PCDH15: variants seen among roughly 807,000 people sequenced by gnomAD.
PCDH15 encodes protocadherin related 15.
PCDH15 carries 129 observed loss-of-function variants against 178.5 expected under a neutral mutation model. The observed-to-expected ratio is 0.72, with a 90% confidence interval of 0.63 to 0.84. PCDH15 has a LOEUF of 0.84. Ranked by LOEUF, PCDH15 falls within the 40% of genes least tolerant of loss-of-function variation. PCDH15 has a pLI of 0.00. For missense variants in PCDH15, 2,230 were observed against 2,099.9 expected (o/e 1.06, Z -1.21); for synonymous variants, 800 against 732.0 (o/e 1.09, Z -1.50).
rs564166916 is a variant in PCDH15 at position 55,151,936 on chromosome 10, A to G, written c.-80+14640T>C. On this transcript the variant is annotated intron_variant, in intron 2 of 5. Transcript: ENST00000458638. ...ATGTGTTTTTTTATTAACAAGGATG[A>G]GAGGTAAATCAGGGAAGAAGTAATG... Among the ~76,000 whole-genome samples, 3 of 152,134 alleles carry G rather than the reference A, an allele frequency of 2.0e-5. No individual in the cohort carries two copies. The East Asian group carries it at 5.8e-4, about 29-fold the overall frequency.
intron 6 of PCDH15, among the ~76,000 whole-genome samples, chr10:54,341,005 T>A (rs1312671333): frequency 1.3e-5 from 2 of 152,166 alleles, no homozygotes; most frequent in African/African-American, 4.8e-5. Flanking sequence ...GGGAAGCTGC[T>A]GATCACCAGC....
At chr10:54,455,569 G>A (rs548262118) in intron 3 of PCDH15, among the ~76,000 whole-genome samples, 2 of 152,222 alleles carry the variant, frequency 1.3e-5, no homozygotes, top group South Asian at 4.1e-4. Context: ...ATGATTTAGG[G>A]TATCTGGCAG....
At chr10:53,877,916 G>T (rs1016844775) in intron 26 of PCDH15, among the ~76,000 whole-genome samples, 3 of 151,920 alleles carry the variant, frequency 2.0e-5, no homozygotes, top group Admixed American at 1.3e-4. Context: ...TAACTCTAGC[G>T]ATAGCTTAAA....
chr10:54,911,840 A>T (rs1954823990), intron 2 of PCDH15, among the ~76,000 whole-genome samples: 1 of 152,112 alleles, frequency 6.6e-6, no homozygotes, highest in Non-Finnish European at 1.5e-5. Flanking sequence ...TTCTGTCATG[A>T]TTATAAGTTT....
At position 54,178,511 on chromosome 10, in the gene PCDH15, A is replaced by T. The variant is rs543607802; in HGVS notation, c.1590+4933T>A. 5.3e-5 allele frequency among the ~76,000 whole-genome samples: 8 copies of T among 152,246 alleles called. No individual in the cohort carries two copies. The South Asian group carries it at 1.7e-3, about 32-fold the overall frequency. On this transcript the variant is annotated intron_variant, in intron 13 of 37. Transcript: ENST00000644397. ...AGAGAGATTATTGCATCAAAAAAAT[A>T]GAATAATTGGTGGAGCACAGAAATT...
chr10:54,543,913 A>C (rs1254175214), intron 2 of PCDH15, among the ~76,000 whole-genome samples: 3 of 152,150 alleles, frequency 2.0e-5, no homozygotes, highest in Non-Finnish European at 4.4e-5. Flanking sequence ...GCAATACATA[A>C]CATTTCTCAT....
intron 13 of PCDH15, among the ~76,000 whole-genome samples, chr10:54,174,950 G>C (rs925625180): frequency 2.6e-5 from 4 of 151,556 alleles, no homozygotes; most frequent in Non-Finnish European, 4.4e-5. Context: ...ATTACATGTT[G>C]GTGTATATAT....
At chr10:55,072,977 A>C (rs960160075) in intron 2 of PCDH15, among the ~76,000 whole-genome samples, 3 of 152,136 alleles carry the variant, frequency 2.0e-5, no homozygotes, top group African/African-American at 7.2e-5. Context: ...CCAGCATATA[A>C]ATAGAACCAA....
At chr10:55,328,949 T>A (rs866043008) in intron 2 of PCDH15, among the ~76,000 whole-genome samples, 26 of 123,292 alleles carry the variant, frequency 2.1e-4, no homozygotes, top group South Asian at 1.0e-3. Context: ...TATATATATA[T>A]AAAATATATA....
intron 2 of PCDH15, among the ~76,000 whole-genome samples, chr10:54,608,921 C>T (rs541918743): frequency 2.1e-4 from 32 of 151,988 alleles, no homozygotes; most frequent in African/African-American, 7.7e-4. Flanking sequence ...GTAGTATAAT[C>T]ATACCCAAAT....
chr10:55,599,859 G>A, intron 2 of PCDH15: 1 of 1,333,688 alleles, frequency 7.5e-7, no homozygotes, highest in South Asian at 1.5e-5. Context: ...AACTTGCAAA[G>A]GTAGCATAAT....
Position 53,866,668 on chromosome 10 carries a change from C to T in PCDH15, c.3691G>A (p.Gly1231Arg), listed in dbSNP as rs1366395465. 6.2e-7 allele frequency: 1 copy of T among 1,613,468 alleles called. No homozygotes were observed. The highest frequency in any genetic ancestry group is 1.3e-5 in the African/African-American group (1 of 74,880). The change falls in exon 27 of 38, where the codon GGA becomes AGA. Residue 1231 changes from glycine to arginine, a missense_variant. Transcript: ENST00000644397. ...QVIATDDYGK[G>R]LSGKADVLVS... is the part of the protein sequence containing the mutation. Reference sequence around the variant, plus strand: ...AGTACATCGGCTTTGCCGCTCAGTCCCTTCCCATAGTCGTCAGTTGCAATA... The same window carrying T: ...AGTACATCGGCTTTGCCGCTCAGTCTCTTCCCATAGTCGTCAGTTGCAATA...
At chr10:55,555,469 C>T (rs543558398) in intron 2 of PCDH15, among the ~76,000 whole-genome samples, 1 of 152,216 alleles carries the variant, frequency 6.6e-6, no homozygotes, top group South Asian at 2.1e-4. Context: ...ATACGGATAT[C>T]TTTCCCAGCT....
intron 37 of PCDH15, among the ~76,000 whole-genome samples, chr10:53,810,214 T>G (rs1366511726): frequency 6.6e-6 from 1 of 152,196 alleles, no homozygotes; most frequent in East Asian, 1.9e-4. Context: ...TTTTGCTAGA[T>G]AATGTGGGAG....
chr10:55,525,143 C>T (rs1324916199), intron 2 of PCDH15, among the ~76,000 whole-genome samples: 3 of 151,716 alleles, frequency 2.0e-5, no homozygotes, highest in South Asian at 2.1e-4. Context: ...GTAGGTTGAT[C>T]TTAGCGCACT....
At chr10:54,269,592 A>G (rs2057917639) in intron 8 of PCDH15, among the ~76,000 whole-genome samples, 1 of 151,914 alleles carries the variant, frequency 6.6e-6, no homozygotes, top group Admixed American at 6.6e-5. Context: ...GTATGCAGGT[A>G]TACTCTCAGG....
chr10:54,885,868 T>C (rs1954350048), intron 3 of PCDH15, among the ~76,000 whole-genome samples: 1 of 152,072 alleles, frequency 6.6e-6, no homozygotes, highest in Non-Finnish European at 1.5e-5. Flanking sequence ...TGAATACACT[T>C]TTTTCTCTTC....
intron 2 of PCDH15, among the ~76,000 whole-genome samples, chr10:55,066,400 A>T (rs957033235): frequency 6.6e-6 from 1 of 150,668 alleles, no homozygotes; most frequent in Non-Finnish European, 1.5e-5. Flanking sequence ...TTTTTTTTTA[A>T]TTTGAGTTGT....
At chr10:55,259,124 G>T (rs1376766030) in intron 1 of PCDH15, among the ~76,000 whole-genome samples, 1 of 152,122 alleles carries the variant, frequency 6.6e-6, no homozygotes, top group African/African-American at 2.4e-5. Flanking sequence ...TCACTAATCA[G>T]CTTTCTGTGT....
Sources: allele counts gnomAD v4.1 joint callset (sites outside exome capture counted in the v4.1 genomes callset), GRCh38; gene constraint gnomAD v4.1.1; transcripts MANE v1.5; gene names NCBI Gene and HGNC (gene_info 2026-07-23, HGNC 2026-07-21).